The following ANKMY1 variants were observed in gnomAD, a reference collection of about 807,000 sequenced individuals.
ANKMY1 encodes the protein ankyrin repeat and MYND domain containing 1, also known as ankyrin repeat and MYND domain-containing protein 1.
ANKMY1 carries 98 observed loss-of-function variants against 102.0 expected under a neutral mutation model. The ratio of observed to expected loss-of-function variants is 0.96; its 90% confidence interval spans 0.82 to 1.14. The LOEUF (loss-of-function observed/expected upper bound fraction) is 1.14, where lower values mean the gene tolerates loss of function less well. Ranked by LOEUF, ANKMY1 falls within the 50% of genes most tolerant of loss-of-function variation. The pLI is 0.00. For missense variants in ANKMY1, 1,330 were observed against 1,347.6 expected, an observed-to-expected ratio of 0.99 and a Z score of 0.20; for synonymous variants, 582 against 559.9, an observed-to-expected ratio of 1.04 and a Z score of -0.56.
chr2:240,515,303 A>G (rs767375203), intron 9 of ANKMY1, among the ~76,000 whole-genome samples: 8 of 152,124 alleles, frequency 5.3e-5, no homozygotes, highest in East Asian at 1.9e-4. Context: ...TCGGGAGGCC[A>G]AGGTGGGCGG....
intron 17 of ANKMY1, among the ~76,000 whole-genome samples, chr2:240,479,983 G>T (rs2075171449): frequency 1.3e-5 from 2 of 152,256 alleles, no homozygotes; most frequent in Non-Finnish European, 2.9e-5. Context: ...AGGCCGAGGT[G>T]GGTGGATCAC....
intron 17 of ANKMY1, among the ~76,000 whole-genome samples, chr2:240,480,272 CA>C: frequency 6.6e-6 from 1 of 152,296 alleles, no homozygotes; most frequent in Middle Eastern, 3.4e-3. Context: ...CCTAAGGGGG[CA>C]GGGGCTTTCC....
At chr2:240,553,134 T>C in intron 3 of ANKMY1, 77 bp from the exon 4 acceptor site, 1 of 1,532,838 alleles carries the variant, frequency 6.5e-7, no homozygotes, top group Non-Finnish European at 8.8e-7. Context: ...TGAGCCACCA[T>C]GCCTGGTTGG....
At chr2:240,502,791 C>A (rs1450010642) in intron 13 of ANKMY1, among the ~76,000 whole-genome samples, 3 of 151,932 alleles carry the variant, frequency 2.0e-5, no homozygotes, top group Non-Finnish European at 4.4e-5. Flanking sequence ...ACTGCATCCG[C>A]CCCTCACTCA....
chr2:240,509,492 C>A, intron 11 of ANKMY1, 37 bp from the exon 12 acceptor site: 1 of 1,461,520 alleles, frequency 6.8e-7, no homozygotes, highest in South Asian at 1.2e-5. Flanking sequence ...AGAGGCACCC[C>A]CACCCATAAG....
the ANKMY1 span, among the ~76,000 whole-genome samples, chr2:240,473,814 A>T: frequency 2.0e-5 from 3 of 152,374 alleles, no homozygotes; most frequent in African/African-American, 7.2e-5. Context: ...AAAATTCAAC[A>T]TCCTGTTTCG....
At chr2:240,532,553 TG>T (rs1339433094) in intron 4 of ANKMY1, among the ~76,000 whole-genome samples, 1 of 152,118 alleles carries the variant, frequency 6.6e-6, no homozygotes, top group Non-Finnish European at 1.5e-5. Flanking sequence ...TGACAATACC[TG>T]GGTAAGTCTA....
rs762833086 is a variant in ANKMY1, at chr2:240,512,018, G to A, written c.2146-17C>T. The A allele has an allele frequency of 5.3e-6, 8 of 1,521,858 alleles. No individual in the cohort carries two copies. The South Asian group carries it at 1.0e-4, about 19-fold the overall frequency. 94.3% of individuals were successfully genotyped at this position (1,521,858 alleles called of 1,614,324 possible). On this transcript the variant is annotated splice_polypyrimidine_tract_variant and intron_variant, in intron 10 of 17. Transcript: ENST00000401804. ...CAGGTCCAGCTGTGTAAAACGGAGGGCTCCGCCAGCGCCCACGGACCTGCC... is the reference window on the plus strand; with the variant it reads ...CAGGTCCAGCTGTGTAAAACGGAGGACTCCGCCAGCGCCCACGGACCTGCC...
Position 240,512,842 on chromosome 2 carries a change from G to A in ANKMY1, c.2105C>T (p.Ala702Val). ...AGTGTCGTCCTCGTCGGATGCCTTG[G>A]CGTCCACATCGGTGATGGCATGCAA... ...LLLHAITDVD[A>V]KASDEDDTYK... is the part of the protein sequence containing the mutation. The change falls in exon 10 of 18, where the codon GCC (alanine) becomes GTC (valine). Residue 702 changes from alanine (A) to valine (V), a missense_variant. Physicochemically the swap from Ala to Val is moderately conservative, Grantham distance 64. Coordinates refer to ENST00000401804, the MANE Select transcript of ANKMY1 (RefSeq NM_001282771.3). The A allele has an allele frequency of 1.9e-6, 3 of 1,614,082 alleles. No individual in the cohort carries two copies. Among genetic ancestry groups the A allele is most frequent in the Non-Finnish European group, 2.5e-6 (3 of 1,180,006 alleles).
In ANKMY1 at chr2:240,557,348, C is replaced by A; in HGVS notation, c.-13G>T. On this transcript the variant is annotated 5_prime_UTR_variant, in exon 2 of 18. Coordinates refer to ENST00000401804, the MANE Select transcript of ANKMY1 (RefSeq NM_001282771.3). ...GGGCCCCTTCCATGTCTGTGGTCTT[C>A]CAACCTGCAAGCGACGTCAGGACCG... is the stretch of plus-strand genomic sequence containing the variant. 1 of 1,519,142 alleles carries A rather than the reference C, an allele frequency of 6.6e-7. No homozygotes were observed. The highest frequency in any genetic ancestry group is 8.9e-7 in the Non-Finnish European group (1 of 1,126,820). 94.1% of individuals were successfully genotyped at this position (1,519,142 alleles called of 1,614,324 possible).
chr2:240,530,454 C>T (rs533726994), intron 4 of ANKMY1, among the ~76,000 whole-genome samples: 1 of 152,258 alleles, frequency 6.6e-6, no homozygotes, highest in Non-Finnish European at 1.5e-5. Context: ...AAGCATGTGG[C>T]ACCTCCTCCC....
chr2:240,472,615 C>T, the ANKMY1 span, among the ~76,000 whole-genome samples: 10 of 152,320 alleles, frequency 6.6e-5, no homozygotes, highest in African/African-American at 2.4e-4. Flanking sequence ...CAGACATGTT[C>T]AATGCCTGCT....
At chr2:240,538,415 A>C (rs1336911884) in intron 4 of ANKMY1, among the ~76,000 whole-genome samples, 1 of 152,160 alleles carries the variant, frequency 6.6e-6, no homozygotes, top group African/African-American at 2.4e-5. Flanking sequence ...TGAGGGGCTT[A>C]GCACCTGGGC....
chr2:240,525,568 T>C, intron 7 of ANKMY1, 117 bp downstream of exon 7: 3 of 1,320,990 alleles, frequency 2.3e-6, no homozygotes, highest in South Asian at 2.9e-5. Flanking sequence ...CCCTGCCTTA[T>C]AACTCACCCT....
chr2:240,481,054 C>T lies in ANKMY1; in HGVS notation c.2929G>A (p.Gly977Arg), dbSNP rs1221448790. The T allele has an allele frequency of 3.7e-6, 6 of 1,613,032 alleles. No individual in the cohort carries two copies. Among genetic ancestry groups the T allele is most frequent in the East Asian group, 4.5e-5 (2 of 44,794 alleles). Residue 977 changes from glycine (G) to arginine (R), a missense_variant, in exon 17 of 18, where the codon GGG (glycine) becomes AGG (arginine). By Grantham distance (125) the Gly-to-Arg change is moderately radical. Transcript: ENST00000401804. The stretch of plus-strand genomic sequence containing the variant: ...CGAGGGCAGGGCAAGAGGCGGACCC[C>T]GATGGAGCGGCCACACTGGTAGCAG... ...KFCYQCGRSIGVRLLPCPRCY... is the reference protein window; with the variant it reads ...KFCYQCGRSIRVRLLPCPRCY...
intron 6 of ANKMY1, 86 bp downstream of exon 6, chr2:240,526,143 C>G: frequency 6.7e-7 from 1 of 1,497,000 alleles, no homozygotes; most frequent in Non-Finnish European, 9.3e-7. Flanking sequence ...TCTGCTCCTG[C>G]AGAGGGGGCC....
intron 4 of ANKMY1, 92 bp downstream of exon 4, chr2:240,552,822 A>C (rs1255744868): frequency 6.3e-7 from 1 of 1,587,838 alleles, no homozygotes; most frequent in Admixed American, 1.7e-5. Flanking sequence ...CTAAACAAAT[A>C]AACTTCCCCA....
At chr2:240,470,978 G>A in the ANKMY1 span, among the ~76,000 whole-genome samples, 2 of 152,136 alleles carry the variant, frequency 1.3e-5, no homozygotes, top group African/African-American at 4.8e-5. Flanking sequence ...GGGGTGAGGG[G>A]TACCCACAGA....
In ANKMY1 at chr2:240,499,655, G is replaced by A. The variant is rs774320644; in HGVS notation, c.2806+303C>T. ...CTGTGCCGGATAGACTGGCACTCCT[G>A]ACAGGGCTCCCGCAGCAGTGCCTAG... On this transcript the variant is annotated intron_variant, in intron 15 of 17. Transcript: ENST00000401804. This position sits in a 1 kb window ranked among gnomAD's most constrained non-coding sequence, Gnocchi z 4.2. 7.2e-5 allele frequency among the ~76,000 whole-genome samples: 11 copies of A among 152,018 alleles called. No homozygotes were observed. The highest frequency in any genetic ancestry group is 1.0e-4 in the Non-Finnish European group (7 of 67,944).
Sources: gnomAD v4.1 joint callset for allele counts (sites outside exome capture counted in the v4.1 genomes callset) on GRCh38, gnomAD v4.1.1 for gene constraint, Gnocchi (gnomAD v3.1) non-coding constraint, MANE v1.5 for transcripts, NCBI Gene and HGNC (gene_info 2026-07-23, HGNC 2026-07-21) for gene names.